Variants in RHBDD1 observed in about 807,000 individuals in gnomAD.
The protein encoded by RHBDD1 is rhomboid-related protein 4.
RHBDD1 carries 38 observed loss-of-function variants against 36.3 expected under a neutral mutation model. The observed-to-expected ratio is 1.05, with a 90% CI of 0.81 to 1.37. The LOEUF (loss-of-function observed/expected upper bound fraction) is 1.37. Ranked by LOEUF, RHBDD1 falls within the 40% of genes most tolerant of loss-of-function variation. The probability of loss-of-function intolerance (pLI) is 0.00; values close to 1 mark genes in which losing one functional copy is unlikely to be tolerated. For synonymous variants in RHBDD1, 151 were observed against 136.5 expected (o/e 1.11, Z -0.74); for missense variants, 393 against 377.6 (o/e 1.04, Z -0.34).
At chr2:226,954,820 A>G (rs1951680353) in intron 8 of RHBDD1, among the ~76,000 whole-genome samples, 1 of 152,088 alleles carries the variant, frequency 6.6e-6, no homozygotes, top group African/African-American at 2.4e-5. Flanking sequence ...ATTAACATTT[A>G]AGTTGAGGCC....
chr2:226,834,734 G>GA (rs1372999374), upstream of RHBDD1, among the ~76,000 whole-genome samples: 1 of 151,812 alleles, frequency 6.6e-6, no homozygotes, highest in Non-Finnish European at 1.5e-5. Flanking sequence ...TTCCTTCTTG[G>GA]AAAAAGAGCA....
chr2:226,931,077 A>G (rs1950003587), intron 8 of RHBDD1, among the ~76,000 whole-genome samples: 1 of 152,062 alleles, frequency 6.6e-6, no homozygotes, highest in African/African-American at 2.4e-5. Context: ...AAAACAGTAC[A>G]GAGATTCTTC....
chr2:226,843,609 G>A (rs911045311), intron 3 of RHBDD1, among the ~76,000 whole-genome samples: 15 of 152,102 alleles, frequency 9.9e-5, no homozygotes, highest in South Asian at 2.1e-4. Flanking sequence ...CTGGCACCCC[G>A]GGATGAAGCC....
chr2:226,827,337 T>C, the RHBDD1 span, among the ~76,000 whole-genome samples: 11 of 152,300 alleles, frequency 7.2e-5, no homozygotes, highest in African/African-American at 2.6e-4. Context: ...AACCTTTCCA[T>C]TATCCCAAAT....
chr2:226,983,290 G>C (rs1240070052), intron 8 of RHBDD1, among the ~76,000 whole-genome samples: 5 of 152,070 alleles, frequency 3.3e-5, no homozygotes, highest in Admixed American at 3.3e-4. Flanking sequence ...GAGAATCACT[G>C]TTCTAAATCC....
chr2:226,928,172 C>G (rs1949789824), intron 8 of RHBDD1, among the ~76,000 whole-genome samples: 1 of 152,022 alleles, frequency 6.6e-6, no homozygotes, highest in Admixed American at 6.6e-5. Flanking sequence ...CCAAATATTT[C>G]AGCACCATTT....
chr2:226,907,003 T>A (rs774085612), intron 6 of RHBDD1, 122 bp downstream of exon 6: 1 of 1,009,950 alleles, frequency 9.9e-7, no homozygotes, highest in East Asian at 2.5e-5. Context: ...TATGCCTGTT[T>A]TTCTTTTTAA....
intron 5 of RHBDD1, among the ~76,000 whole-genome samples, chr2:226,889,448 G>GTTT (rs1479843927): frequency 6.6e-6 from 1 of 152,148 alleles, no homozygotes; most frequent in Admixed American, 6.6e-5. Flanking sequence ...GGTTGAAGGG[G>GTTT]AAAAGGATAA....
rs374908840 is a variant in RHBDD1, at chr2:226,908,816, G to A, written c.656-6G>A. On this transcript the variant is annotated splice_region_variant and splice_polypyrimidine_tract_variant and intron_variant, in intron 6 of 8. Transcript: ENST00000392062. ...CCATTAAAATGTTTATTTCTTTTAC[G>A]TTTAGGCGGTTTTTCCTCCAGTGTT... is the stretch of plus-strand genomic sequence containing the variant. The A allele has an allele frequency of 2.7e-5, 43 of 1,598,120 alleles. No individual in the cohort carries two copies. The East Asian group carries it at 4.2e-4, about 16-fold the overall frequency.
chr2:226,919,146 CA>C (rs1404776251), intron 8 of RHBDD1, among the ~76,000 whole-genome samples: 1 of 151,922 alleles, frequency 6.6e-6, no homozygotes, highest in Non-Finnish European at 1.5e-5. Flanking sequence ...ATCTTTTGCA[CA>C]GTTTAAAAAT....
intron 5 of RHBDD1, among the ~76,000 whole-genome samples, chr2:226,875,143 G>A (rs1355381359): frequency 6.6e-6 from 1 of 152,050 alleles, no homozygotes; most frequent in Non-Finnish European, 1.5e-5. Context: ...GTTTACCTTT[G>A]TATCTTAACC....
At chr2:226,944,931 G>T (rs1950875887) in intron 8 of RHBDD1, among the ~76,000 whole-genome samples, 1 of 152,058 alleles carries the variant, frequency 6.6e-6, no homozygotes, top group Middle Eastern at 3.2e-3. Context: ...GGGGAGCAAA[G>T]AAAATAGATA....
At chr2:226,947,987 G>A (rs867119167) in intron 8 of RHBDD1, among the ~76,000 whole-genome samples, 17 of 152,214 alleles carry the variant, frequency 1.1e-4, no homozygotes, top group East Asian at 3.9e-4. Context: ...AACTAGTTCA[G>A]CCATTGTGGA....
At chr2:226,944,528 G>T (rs532237705) in intron 8 of RHBDD1, among the ~76,000 whole-genome samples, 2 of 152,158 alleles carry the variant, frequency 1.3e-5, no homozygotes, top group Non-Finnish European at 2.9e-5. Flanking sequence ...TCTGAAAAGC[G>T]TGTCTTTCTC....
At chr2:226,884,908 G>T (rs1175182636) in intron 5 of RHBDD1, among the ~76,000 whole-genome samples, 1 of 152,052 alleles carries the variant, frequency 6.6e-6, no homozygotes, top group Non-Finnish European at 1.5e-5. Context: ...AAAATAGTAG[G>T]CTGCTTTTGA....
chr2:226,909,865 T>C (rs1948395072), intron 7 of RHBDD1, among the ~76,000 whole-genome samples: 1 of 152,242 alleles, frequency 6.6e-6, no homozygotes, highest in South Asian at 2.1e-4. Context: ...TGTTTCTGTT[T>C]ATATTAATTG....
At chr2:226,934,380 A>AT (rs1312773125) in intron 8 of RHBDD1, among the ~76,000 whole-genome samples, 4 of 152,000 alleles carry the variant, frequency 2.6e-5, no homozygotes, top group Non-Finnish European at 4.4e-5. Flanking sequence ...CTAATGACAC[A>AT]TTTTTTCAGA....
upstream of RHBDD1, among the ~76,000 whole-genome samples, chr2:226,832,056 T>G (rs1411724082): frequency 6.6e-6 from 1 of 152,110 alleles, no homozygotes; most frequent in Non-Finnish European, 1.5e-5. Context: ...TTCCTCCCTT[T>G]GCTAAAGGTT....
the RHBDD1 span, among the ~76,000 whole-genome samples, chr2:226,810,758 T>C: frequency 6.6e-6 from 1 of 152,034 alleles, no homozygotes; most frequent in Admixed American, 6.6e-5. Flanking sequence ...AATGGATCCA[T>C]GCAGTTCAAA....
Sources: allele counts gnomAD v4.1 joint callset (sites outside exome capture counted in the v4.1 genomes callset), GRCh38; gene constraint gnomAD v4.1.1; transcripts MANE v1.5; gene names NCBI Gene and HGNC (gene_info 2026-07-23, HGNC 2026-07-21).